The following EPC1 variants were observed in gnomAD, a reference collection of about 807,000 sequenced individuals.
The protein encoded by EPC1 is enhancer of polycomb homolog 1.
In EPC1, 12 loss-of-function variants were observed where a neutral mutation model predicts 98.4. That is an observed-to-expected ratio of 0.12 (90% CI 0.08 to 0.20). The LOEUF (loss-of-function observed/expected upper bound fraction) is 0.20, where lower values mean the gene tolerates loss of function less well. Ranked by LOEUF, EPC1 falls within the 10% of genes least tolerant of loss-of-function variation. EPC1 has a pLI of 1.00. For synonymous variants in EPC1, 357 were observed against 363.9 expected, an observed-to-expected ratio of 0.98 and a Z score of 0.21; for missense variants, 729 against 990.5, an observed-to-expected ratio of 0.74 and a Z score of 3.54.
At chr10:32,366,139 A>T (rs1259886901) in intron 1 of EPC1, among the ~76,000 whole-genome samples, 2 of 152,140 alleles carry the variant, frequency 1.3e-5, no homozygotes, top group Non-Finnish European at 2.9e-5. Context: ...GGCTAAAAAC[A>T]ACAACAACAA....
intron 10 of EPC1, among the ~76,000 whole-genome samples, chr10:32,279,347 T>TAAA (rs397972135): frequency 7.7e-6 from 1 of 130,354 alleles, no homozygotes; most frequent in African/African-American, 2.8e-5. Flanking sequence ...GACTCTGTCT[T>TAAA]AAAAAAAAAA....
intron 1 of EPC1, among the ~76,000 whole-genome samples, chr10:32,339,280 T>G (rs1838180193): frequency 6.6e-6 from 1 of 152,236 alleles, no homozygotes; most frequent in South Asian, 2.1e-4. Flanking sequence ...ATAGGCCTAC[T>G]GCATCTTACA....
chr10:32,317,688 T>C (rs1249423495), intron 1 of EPC1, among the ~76,000 whole-genome samples: 1 of 152,136 alleles, frequency 6.6e-6, no homozygotes, highest in African/African-American at 2.4e-5. Flanking sequence ...TACTTTTGTA[T>C]CTGAAATACT....
intron 13 of EPC1, among the ~76,000 whole-genome samples, chr10:32,270,814 T>C (rs1185467548): frequency 5.5e-5 from 5 of 90,216 alleles, no homozygotes; most frequent in Admixed American, 2.0e-4. Flanking sequence ...AGAGCGAGAC[T>C]CGGTCTCAAA....
chr10:32,351,234 A>C (rs1435864831), upstream of EPC1, among the ~76,000 whole-genome samples: 1 of 152,166 alleles, frequency 6.6e-6, no homozygotes, highest in Non-Finnish European at 1.5e-5. Context: ...CATTAGATAA[A>C]GCCAAATTTT....
At chr10:32,291,449 A>G (rs1834845606) in intron 5 of EPC1, 127 bp from the exon 6 acceptor site, 2 of 713,552 alleles carry the variant, frequency 2.8e-6, no homozygotes, top group East Asian at 5.5e-5. Flanking sequence ...ATCACCTCAC[A>G]TAATTACCTT....
chr10:32,292,458 C>T (rs1488720711), intron 5 of EPC1, 38 bp downstream of exon 5: 1 of 1,422,742 alleles, frequency 7.0e-7, no homozygotes, highest in Non-Finnish European at 9.5e-7. Flanking sequence ...ATGTTAATGG[C>T]ACTATACTTC....
chr10:32,355,034 GA>G (rs1347319156), intron 1 of EPC1, among the ~76,000 whole-genome samples: 5 of 152,160 alleles, frequency 3.3e-5, no homozygotes, highest in African/African-American at 1.2e-4. Flanking sequence ...AATAATAATA[GA>G]AAGAAAGTGC....
chr10:32,332,959 G>A (rs1184107236), intron 1 of EPC1, among the ~76,000 whole-genome samples: 17 of 152,190 alleles, frequency 1.1e-4, no homozygotes, highest in Admixed American at 1.0e-3. Flanking sequence ...GAAAAGTGAG[G>A]TAGATGTTAT....
intron 1 of EPC1, among the ~76,000 whole-genome samples, chr10:32,356,912 C>A (rs1369310810): frequency 1.3e-5 from 2 of 152,086 alleles, no homozygotes; most frequent in Non-Finnish European, 2.9e-5. Context: ...ACCCGGGAGG[C>A]GGAGCTTGCA....
intron 10 of EPC1, among the ~76,000 whole-genome samples, chr10:32,281,383 T>C (rs1198768598): frequency 6.6e-6 from 1 of 152,146 alleles, no homozygotes. Context: ...TGCCAGTTTT[T>C]CTGCTGGCAT....
rs531680068 is a variant in EPC1, at chr10:32,363,053, T to C, written c.3+15438A>G. Among the ~76,000 whole-genome samples, 10 of 105,702 alleles carry C rather than the reference T, an allele frequency of 9.5e-5. No homozygotes were observed. The South Asian group carries it at 2.8e-3, about 30-fold the overall frequency. 69.3% of individuals were successfully genotyped at this position (105,702 alleles called of 152,430 possible). On this transcript the variant is annotated intron_variant, in intron 1 of 13. Transcript: ENST00000375110. ...AAGGAAATCTATATTAGTAAAAGTA[T>C]CTGTAACAGGAAGAGGGAGACAACT...
chr10:32,365,355 A>C (rs1043291226), intron 1 of EPC1, among the ~76,000 whole-genome samples: 1 of 152,090 alleles, frequency 6.6e-6, no homozygotes, highest in African/African-American at 2.4e-5. Flanking sequence ...AAAGATCTGC[A>C]ATTAGTCTGA....
intron 1 of EPC1, among the ~76,000 whole-genome samples, chr10:32,364,253 C>A: frequency 6.6e-6 from 1 of 151,374 alleles, no homozygotes; most frequent in African/African-American, 2.4e-5. Flanking sequence ...AGGCCGGTCT[C>A]GAACTCTTGT....
chr10:32,378,058 A>T (rs1839905392), intron 1 of EPC1, among the ~76,000 whole-genome samples: 1 of 152,196 alleles, frequency 6.6e-6, no homozygotes, highest in Non-Finnish European at 1.5e-5. Flanking sequence ...TGTAGTTTGT[A>T]TCCAAGTAAT....
At chr10:32,322,380 C>G in intron 1 of EPC1, among the ~76,000 whole-genome samples, 1 of 152,134 alleles carries the variant, frequency 6.6e-6, no homozygotes, top group East Asian at 1.9e-4. Flanking sequence ...TATAAGGAAT[C>G]AGCTTAGTAC....
intron 12 of EPC1, 47 bp from the exon 13 acceptor site, chr10:32,271,964 G>A: frequency 6.3e-7 from 1 of 1,599,358 alleles, no homozygotes; most frequent in Non-Finnish European, 8.5e-7. Flanking sequence ...CAACTTTGCT[G>A]TTTATATTAT....
chr10:32,302,875 T>G (rs554425701), intron 2 of EPC1, among the ~76,000 whole-genome samples: 6 of 152,248 alleles, frequency 3.9e-5, no homozygotes, highest in Admixed American at 1.3e-4. Context: ...ATGGAGAAAC[T>G]GGGTAATATA....
intron 6 of EPC1, among the ~76,000 whole-genome samples, chr10:32,290,483 CAAAA>C (rs57193296): frequency 5.0e-5 from 2 of 40,160 alleles, no homozygotes; most frequent in African/African-American, 1.3e-4. Context: ...AAGACTCTGT[CAAAA>C]AAAAAAAAAA....
Sources: gnomAD v4.1 joint callset for allele counts (sites outside exome capture counted in the v4.1 genomes callset) on GRCh38, gnomAD v4.1.1 for gene constraint, MANE v1.5 for transcripts, NCBI Gene and HGNC (gene_info 2026-07-23, HGNC 2026-07-21) for gene names.